LRRC4C: variants seen among roughly 807,000 people sequenced by gnomAD.
The protein encoded by LRRC4C is leucine-rich repeat-containing protein 4C.
A neutral mutation model predicts 33.6 loss-of-function variants in LRRC4C; 5 were observed. The ratio of observed to expected loss-of-function variants is 0.15; its 90% CI spans 0.08 to 0.31. LRRC4C has a LOEUF of 0.31. Ranked by LOEUF, LRRC4C falls within the 10% of genes least tolerant of loss-of-function variation. LRRC4C has a pLI of 1.00. For synonymous variants in LRRC4C, 329 were observed against 302.0 expected, an observed-to-expected ratio of 1.09 and a Z score of -0.93; for missense variants, 560 against 796.7, an observed-to-expected ratio of 0.70 and a Z score of 3.58.
intron 1 of LRRC4C, among the ~76,000 whole-genome samples, chr11:41,326,724 G>A (rs1402135369): frequency 1.3e-5 from 2 of 152,140 alleles, no homozygotes; most frequent in Non-Finnish European, 2.9e-5. Flanking sequence ...GTGAATGGGT[G>A]CACACACACA....
rs569669182 is a variant in LRRC4C, at chr11:40,481,279, C to T, written c.-269-161558G>A. ...ATCAGAGCTAATTCTTCTTGCCTCT[C>T]AGTGTGGCATTCAACAATATGCTTC... On this transcript the variant is annotated intron_variant, in intron 3 of 6. Transcript: ENST00000528697. Among the ~76,000 whole-genome samples the T allele has an allele frequency of 4.6e-5, 7 of 152,130 alleles. No individual in the cohort carries two copies. In the South Asian group the frequency reaches 1.5e-3, roughly 32 times the overall value.
At chr11:40,917,496 C>G (rs1016314035) in intron 2 of LRRC4C, among the ~76,000 whole-genome samples, 1 of 151,926 alleles carries the variant, frequency 6.6e-6, no homozygotes, top group African/African-American at 2.4e-5. Flanking sequence ...ATAAAAGAAC[C>G]TAGGGGCACT....
chr11:40,614,462 T>G (rs1961555570), intron 3 of LRRC4C, among the ~76,000 whole-genome samples: 1 of 76,054 alleles, frequency 1.3e-5, no homozygotes, highest in Non-Finnish European at 3.5e-5. Flanking sequence ...TGGTTTGATC[T>G]CCTGTCCAGG....
rs189900341 is a variant in LRRC4C at position 40,448,183 on chromosome 11, C to G, written c.-269-128462G>C. Among the ~76,000 whole-genome samples, 334 of 152,216 alleles carry G rather than the reference C, an allele frequency of 2.2e-3. 1 individual carries two copies. Among genetic ancestry groups the G allele is most frequent in the Non-Finnish European group, 3.6e-3 (245 of 68,026 alleles). ...AAGGCCCTGCCTGATTGGAATGCCT[C>G]TAGATAAATTCATGAGACATTTAAG... is the stretch of plus-strand genomic sequence containing the variant. On this transcript the variant is annotated intron_variant, in intron 3 of 6. Coordinates refer to ENST00000528697, the MANE Select transcript of LRRC4C (RefSeq NM_001258419.2).
At chr11:40,327,508 C>G (rs754249540) in intron 3 of LRRC4C, among the ~76,000 whole-genome samples, 1 of 152,072 alleles carries the variant, frequency 6.6e-6, no homozygotes, top group African/African-American at 2.4e-5. Flanking sequence ...GGCTGAGAAG[C>G]GATATTCATC....
chr11:40,475,954 A>C (rs1953196474), intron 3 of LRRC4C, among the ~76,000 whole-genome samples: 1 of 151,994 alleles, frequency 6.6e-6, no homozygotes, highest in Non-Finnish European at 1.5e-5. Context: ...AGACTCAATA[A>C]TTTTTTGCTG....
Position 40,487,576 on chromosome 11 carries a change from C to T in LRRC4C, c.-270+160566G>A, listed in dbSNP as rs535825141. Among the ~76,000 whole-genome samples the T allele has an allele frequency of 8.2e-4, 124 of 152,032 alleles. 1 individual carries two copies. Among genetic ancestry groups the T allele is most frequent in the South Asian group, 1.5e-3 (7 of 4,820 alleles). ...AGAAAAAAATTCCATGATGCATTACCGTGTAGGGAATTTTGAAGAACTTGT... is the reference window on the plus strand; with the variant it reads ...AGAAAAAAATTCCATGATGCATTACTGTGTAGGGAATTTTGAAGAACTTGT... On this transcript the variant is annotated intron_variant, in intron 3 of 6. Coordinates refer to ENST00000528697, the MANE Select transcript of LRRC4C (RefSeq NM_001258419.2).
intron 1 of LRRC4C, among the ~76,000 whole-genome samples, chr11:41,262,082 A>G (rs1948999705): frequency 6.6e-6 from 1 of 152,104 alleles, no homozygotes; most frequent in South Asian, 2.1e-4. Flanking sequence ...AGAGAGTAGG[A>G]AATGATAGGA....
intron 1 of LRRC4C, among the ~76,000 whole-genome samples, chr11:41,422,384 T>A (rs1293796368): frequency 6.6e-6 from 1 of 152,080 alleles, no homozygotes; most frequent in Non-Finnish European, 1.5e-5. Flanking sequence ...TAGGGAGATC[T>A]GCCAGTGGCA....
chr11:41,440,664 A>G (rs918674590), intron 1 of LRRC4C, among the ~76,000 whole-genome samples: 2 of 152,016 alleles, frequency 1.3e-5, no homozygotes, highest in Non-Finnish European at 2.9e-5. Flanking sequence ...TGTAATCCCC[A>G]TGTGTCACGG....
intron 5 of LRRC4C, among the ~76,000 whole-genome samples, chr11:40,176,538 TC>T (rs1860505163): frequency 1.3e-5 from 2 of 149,650 alleles, no homozygotes; most frequent in African/African-American, 2.5e-5. Context: ...TTTTTTCCAC[TC>T]TTTTTTTTTT....
chr11:40,181,736 G>C (rs1366098622), intron 5 of LRRC4C, among the ~76,000 whole-genome samples: 1 of 152,186 alleles, frequency 6.6e-6, no homozygotes, highest in African/African-American at 2.4e-5. Context: ...CATGAGGAGA[G>C]AGCTTAATAG....
chr11:40,934,006 A>T (rs557843597), intron 1 of LRRC4C, among the ~76,000 whole-genome samples: 2 of 152,278 alleles, frequency 1.3e-5, no homozygotes, highest in East Asian at 3.9e-4. Flanking sequence ...TGGACTGTTG[A>T]GTAAGATTTT....
chr11:40,861,719 C>T (rs1252116278), intron 2 of LRRC4C, among the ~76,000 whole-genome samples: 1 of 152,162 alleles, frequency 6.6e-6, no homozygotes, highest in Non-Finnish European at 1.5e-5. Flanking sequence ...TGGGGTTTCT[C>T]TGGTTCATGG....
intron 5 of LRRC4C, among the ~76,000 whole-genome samples, chr11:40,144,803 G>A (rs1404932255): frequency 1.3e-5 from 2 of 152,194 alleles, no homozygotes; most frequent in African/African-American, 4.8e-5. Flanking sequence ...GAAGCCGTAG[G>A]CTAGTGATCT....
chr11:40,474,749 C>A (rs911950292), intron 3 of LRRC4C, among the ~76,000 whole-genome samples: 4 of 152,118 alleles, frequency 2.6e-5, no homozygotes, highest in Non-Finnish European at 5.9e-5. Context: ...AAACAACAAA[C>A]AACCCAATCA....
chr11:40,262,225 A>T (rs1941901580), intron 4 of LRRC4C, among the ~76,000 whole-genome samples: 1 of 152,224 alleles, frequency 6.6e-6, no homozygotes. Context: ...CAAACATGAA[A>T]AAAAAGTTCA....
chr11:40,187,040 G>C (rs1486200592), intron 5 of LRRC4C, among the ~76,000 whole-genome samples: 1 of 152,060 alleles, frequency 6.6e-6, no homozygotes. Context: ...CCAAGCAGGA[G>C]AACCAACAAA....
chr11:40,926,213 G>A (rs140453038), intron 2 of LRRC4C, among the ~76,000 whole-genome samples: 77 of 152,208 alleles, frequency 5.1e-4, no homozygotes, highest in African/African-American at 1.8e-3. Flanking sequence ...CCAGCAGGCA[G>A]CAATGCCTAC....
Sources: gnomAD v4.1 joint callset for allele counts (sites outside exome capture counted in the v4.1 genomes callset) on GRCh38, gnomAD v4.1.1 for gene constraint, MANE v1.5 for transcripts, NCBI Gene and HGNC (gene_info 2026-07-23, HGNC 2026-07-21) for gene names.